The following CSDE1 variants were observed in gnomAD, a reference collection of about 807,000 sequenced individuals.
CSDE1 encodes cold shock domain containing E1, also known as cold shock domain-containing protein E1.
In CSDE1, 17 loss-of-function variants were observed where a neutral mutation model predicts 89.3. That is an observed-to-expected ratio of 0.19 (90% confidence interval 0.13 to 0.29). The LOEUF (loss-of-function observed/expected upper bound fraction) is 0.29. Ranked by LOEUF, CSDE1 falls within the 10% of genes least tolerant of loss-of-function variation. The pLI, the probability that CSDE1 is intolerant of heterozygous loss-of-function variation, is 1.00. For missense variants in CSDE1, 672 were observed against 984.2 expected (o/e 0.68, Z 4.24); for synonymous variants, 322 against 332.8 (o/e 0.97, Z 0.35).
chr1:114,732,565 C>T lies in CSDE1; in HGVS notation c.1050+39G>A, dbSNP rs181567451. The T allele has an allele frequency of 5.3e-4, 841 of 1,584,914 alleles. 3 individuals carry two copies. Among genetic ancestry groups the T allele is most frequent in the Non-Finnish European group, 2.2e-4 (254 of 1,154,608 alleles). On this transcript the variant is annotated intron_variant, in intron 10 of 19. Coordinates refer to ENST00000358528, the MANE Select transcript of CSDE1 (RefSeq NM_001007553.3). ...TAAACTTGAATATAACATTGGCTTT[C>T]GCATATTAGATACATATCCAGTAAT...
chr1:114,730,144 G>GAAATTCTGA, intron 12 of CSDE1, 114 bp downstream of exon 12: 1 of 1,225,496 alleles, frequency 8.2e-7, no homozygotes. Flanking sequence ...TAATATGACA[G>GAAATTCTGA]AAATTCTGAA....
chr1:114,719,517 G>A, intron 18 of CSDE1, 62 bp downstream of exon 18: 1 of 1,488,782 alleles, frequency 6.7e-7, no homozygotes, highest in Non-Finnish European at 9.0e-7. Context: ...TGACAAAACA[G>A]AGACTATAAA....
At chr1:114,746,247 T>C (rs1221384829) in intron 2 of CSDE1, among the ~76,000 whole-genome samples, 1 of 152,226 alleles carries the variant, frequency 6.6e-6, no homozygotes, top group East Asian at 1.9e-4. Flanking sequence ...ACTACTATTC[T>C]TAATGTACCC....
intron 15 of CSDE1, 72 bp downstream of exon 15, chr1:114,725,149 T>A: frequency 8.7e-7 from 1 of 1,153,176 alleles, no homozygotes; most frequent in Non-Finnish European, 1.3e-6. Flanking sequence ...TTAGGCCTCA[T>A]CTCCCTCTAC....
At chr1:114,746,429 T>C (rs1661013413) in intron 2 of CSDE1, 1 of 152,166 alleles carries the variant, frequency 6.6e-6, no homozygotes, top group South Asian at 2.1e-4. Context: ...AAAAAAACTA[T>C]AACCTAATGC....
intron 16 of CSDE1, 23 bp downstream of exon 16, chr1:114,723,860 A>G: frequency 6.2e-7 from 1 of 1,613,532 alleles, no homozygotes; most frequent in Non-Finnish European, 8.5e-7. Flanking sequence ...AATTTCAAAC[A>G]GCCTGATAGT....
chr1:114,725,394 A>T (rs1659738214), intron 14 of CSDE1, 61 bp from the exon 15 acceptor site: 1 of 1,290,888 alleles, frequency 7.7e-7, no homozygotes, highest in Admixed American at 1.7e-5. Context: ...AGTAACAGGC[A>T]GTCTTTATTT....
At chr1:114,719,443 CAACT>C in intron 18 of CSDE1, 132 bp downstream of exon 18, 1 of 933,824 alleles carries the variant, frequency 1.1e-6, no homozygotes. Context: ...TTTTTGTATT[CAACT>C]AGAAGTAGGA....
chr1:114,718,185 G>C lies in CSDE1; in HGVS notation c.2381C>G (p.Ala794Gly). The C allele has an allele frequency of 6.2e-7, 1 of 1,613,936 alleles. No homozygotes were observed. Among genetic ancestry groups the C allele is most frequent in the Non-Finnish European group, 8.5e-7 (1 of 1,179,978 alleles). ...GFGAERKIRQ[A>G]GVID ...TGGATGTGGTTAGTCAATGACACCA[G>C]CTTGACGGATCTTTCTTTCTGCACC... Residue 794 changes from alanine to glycine, a missense_variant, in exon 20 of 20, where the codon GCT (alanine) becomes GGT (glycine). Around this residue, in one of 8 missense-constraint regions of CSDE1, gnomAD observed 206 missense variants for 332.4 expected, o/e 0.62. Coordinates refer to ENST00000358528, the MANE Select transcript of CSDE1 (RefSeq NM_001007553.3).
chr1:114,718,973 C>T (rs1659357661), intron 18 of CSDE1: 2 of 524,754 alleles, frequency 3.8e-6, no homozygotes, highest in Non-Finnish European at 6.8e-6. Flanking sequence ...ATTTGCAGAC[C>T]CTAGACTTGA....
intron 2 of CSDE1, among the ~76,000 whole-genome samples, chr1:114,743,300 C>T (rs1660833310): frequency 1.3e-5 from 2 of 152,036 alleles, no homozygotes; most frequent in Admixed American, 1.3e-4. Flanking sequence ...CAAGTGATCC[C>T]TCTGCCTCAG....
intron 10 of CSDE1, 151 bp downstream of exon 10, chr1:114,732,453 C>T (rs1660155574): frequency 2.8e-6 from 2 of 715,688 alleles, no homozygotes; most frequent in Non-Finnish European, 2.3e-6. Flanking sequence ...CCCAGACTGA[C>T]TCAAATGTGT....
intron 2 of CSDE1, chr1:114,741,590 T>A: frequency 6.5e-7 from 1 of 1,549,928 alleles, no homozygotes. Context: ...AAGATGAAGA[T>A]AAGGGTAAAG....
At chr1:114,745,652 T>C (rs772098674) in intron 2 of CSDE1, among the ~76,000 whole-genome samples, 2 of 152,210 alleles carry the variant, frequency 1.3e-5, no homozygotes, top group Non-Finnish European at 2.9e-5. Context: ...ACTCATATAG[T>C]AGGTAACACA....
At chr1:114,732,552 T>C (rs1557997012) in intron 10 of CSDE1, 52 bp downstream of exon 10, 13 of 1,556,234 alleles carry the variant, frequency 8.4e-6, no homozygotes, top group Non-Finnish European at 1.1e-5. Context: ...AACTTGAATA[T>C]AACATTGGCT....
intron 10 of CSDE1, among the ~76,000 whole-genome samples, chr1:114,732,061 G>A (rs574976657): frequency 2.0e-5 from 3 of 151,528 alleles, no homozygotes; most frequent in South Asian, 2.1e-4. Flanking sequence ...GTGATCACCC[G>A]CCTCAGCCTC....
chr1:114,730,668 T>C lies in CSDE1; in HGVS notation c.1051-20A>G. The stretch of plus-strand genomic sequence containing the variant: ...CACACCCTGAAACCCAAATAATATT[T>C]TCACTGGCTGTGAAACTTGTCAAGA... On this transcript the variant is annotated intron_variant, in intron 10 of 19. Transcript: ENST00000358528. 6.2e-7 allele frequency: 1 copy of C among 1,610,662 alleles called. No homozygotes were observed.
At chr1:114,728,700 A>G (rs1313264773) in intron 12 of CSDE1, among the ~76,000 whole-genome samples, 1 of 152,226 alleles carries the variant, frequency 6.6e-6, no homozygotes, top group Non-Finnish European at 1.5e-5. Context: ...CATCTGTCAC[A>G]TGCGAAATTC....
intron 2 of CSDE1, among the ~76,000 whole-genome samples, chr1:114,747,028 T>C (rs922651374): frequency 6.6e-6 from 1 of 152,244 alleles, no homozygotes; most frequent in Admixed American, 6.5e-5. Context: ...TGAAAATTAT[T>C]GCATTCAGCA....
Sources: gnomAD v4.1 joint callset for allele counts (sites outside exome capture counted in the v4.1 genomes callset) on GRCh38, gnomAD v4.1.1 for gene constraint, gnomAD v4.1.1 regional missense constraint, MANE v1.5 for transcripts, NCBI Gene and HGNC (gene_info 2026-07-23, HGNC 2026-07-21) for gene names.